KLKB1: variants seen among roughly 807,000 people sequenced by gnomAD.
KLKB1 encodes kallikrein B1, also known as plasma kallikrein.
In KLKB1, 58 loss-of-function variants were observed where a neutral mutation model predicts 73.6. The ratio of observed to expected loss-of-function variants is 0.79; its 90% CI spans 0.64 to 0.98. The LOEUF (loss-of-function observed/expected upper bound fraction) is 0.98. KLKB1 is among the 50% of genes least tolerant of loss of function. The pLI, the probability that KLKB1 is intolerant of heterozygous loss-of-function variation, is 0.00. For synonymous variants in KLKB1, 280 were observed against 258.1 expected (o/e 1.08, Z -0.81); for missense variants, 737 against 763.8 (o/e 0.96, Z 0.41).
At position 186,243,140 on chromosome 4, in the gene KLKB1, G is replaced by A. The variant is rs4253361; in HGVS notation, c.598+4775G>A. Among the ~76,000 whole-genome samples the A allele has an allele frequency of 3.1e-3, 475 of 152,254 alleles. 3 individuals are homozygous for A. The highest frequency in any genetic ancestry group is 0.011 in the African/African-American group (440 of 41,556). Reference sequence around the variant, plus strand: ...CAGTCCTGGGCGGGGGCAAATCCCCGAGCTTGATGTGTAGGGAAGGGAGGG... The same window carrying A: ...CAGTCCTGGGCGGGGGCAAATCCCCAAGCTTGATGTGTAGGGAAGGGAGGG... On this transcript the variant is annotated intron_variant, in intron 6 of 14. Transcript: ENST00000264690.
rs1738890764 is a variant in KLKB1, at chr4:186,254,722, A to G, written c.1448A>G (p.Asp483Gly). ...TATAAAGTCTCAGAAGGGAATCATG[A>G]TATCGCCTTGATAAAACTCCAGGCT... ...QNYKVSEGNH[D>G]IALIKLQAPL... The change falls in exon 12 of 15, where the codon GAT (aspartate) becomes GGT (glycine). Residue 483 changes from aspartate (D) to glycine (G), a missense_variant. Physicochemically the swap from Asp to Gly is moderately conservative, Grantham distance 94 (BLOSUM62 -1). Transcript: ENST00000264690. 3 of 1,613,794 alleles carry G rather than the reference A, an allele frequency of 1.9e-6. No individual in the cohort carries two copies. The highest frequency in any genetic ancestry group is 2.7e-5 in the African/African-American group (2 of 74,922).
At position 186,239,580 on chromosome 4, in the gene KLKB1, C is replaced by T. The variant is rs370966716; in HGVS notation, c.598+1215C>T. Among the ~76,000 whole-genome samples the T allele has an allele frequency of 1.4e-3, 171 of 125,486 alleles. 1 individual carries two copies. Among genetic ancestry groups the T allele is most frequent in the African/African-American group, 5.0e-3 (159 of 31,836 alleles). 82.3% of individuals were successfully genotyped at this position (125,486 alleles called of 152,430 possible). A position where few individuals can be genotyped will look rare whatever the true frequency, so the allele number is the denominator to read the frequency against. On this transcript the variant is annotated intron_variant, in intron 6 of 14. Coordinates refer to ENST00000264690, the MANE Select transcript of KLKB1 (RefSeq NM_000892.5). ...ACTGTTAGAGTTATAGGTACAGTGA[C>T]ATAGGACAGTGATACTGTTATAGTT...
intron 6 of KLKB1, among the ~76,000 whole-genome samples, chr4:186,247,345 G>A (rs1156816667): frequency 6.6e-6 from 1 of 150,502 alleles, no homozygotes; most frequent in African/African-American, 2.4e-5. Flanking sequence ...GGGTGGGGAC[G>A]TTTTATAGGA....
At chr4:186,229,323 C>T (rs1420317612) in intron 2 of KLKB1, among the ~76,000 whole-genome samples, 1 of 152,116 alleles carries the variant, frequency 6.6e-6, no homozygotes, top group African/African-American at 2.4e-5. Context: ...CAGAAACAGT[C>T]ATCGTTAAAC....
chr4:186,216,010 C>T lies in KLKB1; in HGVS notation c.201+6738C>T, dbSNP rs367994232. Among the ~76,000 whole-genome samples the T allele has an allele frequency of 1.5e-4, 23 of 152,250 alleles. 1 individual carries two copies. In the East Asian group the frequency reaches 1.5e-3, roughly 10 times the overall value. On this transcript the variant is annotated intron_variant, in intron 2 of 14. Coordinates refer to the KLKB1 transcript ENST00000511608. Reference sequence around the variant, plus strand: ...CAGTGTCTCATATGATGCAATTGGACGGAACCTCAAGACGACATTTGCTCC... The same window carrying T: ...CAGTGTCTCATATGATGCAATTGGATGGAACCTCAAGACGACATTTGCTCC...
chr4:186,241,694 GT>G (rs1052895367), intron 6 of KLKB1, among the ~76,000 whole-genome samples: 1 of 152,068 alleles, frequency 6.6e-6, no homozygotes, highest in Non-Finnish European at 1.5e-5. Context: ...GAAAAAAAAG[GT>G]TTTTTTATTT....
At chr4:186,242,947 A>G (rs28822377) in intron 6 of KLKB1, among the ~76,000 whole-genome samples, 5 of 107,844 alleles carry the variant, frequency 4.6e-5, no homozygotes, top group South Asian at 2.4e-4. Context: ...TTGTATAGAG[A>G]TGGAAAGGCC....
At chr4:186,250,493 T>C (rs553412147) in intron 7 of KLKB1, 91 bp downstream of exon 7, 2 of 1,462,016 alleles carry the variant, frequency 1.4e-6, no homozygotes, top group African/African-American at 2.8e-5. Flanking sequence ...GTCTGAGTTC[T>C]TAAAAGTTTC....
At chr4:186,231,836 G>A (rs1737409700) in intron 2 of KLKB1, among the ~76,000 whole-genome samples, 1 of 152,176 alleles carries the variant, frequency 6.6e-6, no homozygotes, top group Admixed American at 6.5e-5. Context: ...TCAGGCAACA[G>A]GAAAAAACTA....
At chr4:186,237,645 AT>A (rs1429686333) in intron 5 of KLKB1, among the ~76,000 whole-genome samples, 3 of 151,854 alleles carry the variant, frequency 2.0e-5, no homozygotes, top group South Asian at 2.1e-4. Flanking sequence ...TTAACTTGTG[AT>A]TTTTTTCCTT....
At chr4:186,240,414 A>G (rs1319315678) in intron 6 of KLKB1, among the ~76,000 whole-genome samples, 1 of 152,146 alleles carries the variant, frequency 6.6e-6, no homozygotes, top group Non-Finnish European at 1.5e-5. Flanking sequence ...GCAAAACTGT[A>G]AGGTCATTCC....
intron 2 of KLKB1, among the ~76,000 whole-genome samples, chr4:186,216,358 G>A (rs1736902454): frequency 6.6e-6 from 1 of 152,218 alleles, no homozygotes; most frequent in African/African-American, 2.4e-5. Flanking sequence ...CAGACAGTGG[G>A]CGTCTGAAAA....
chr4:186,221,658 T>G (rs554484553), upstream of KLKB1, among the ~76,000 whole-genome samples: 12 of 152,316 alleles, frequency 7.9e-5, no homozygotes, highest in East Asian at 1.9e-3. Context: ...GAAAAGATAC[T>G]TGATATGATT....
At chr4:186,233,272 C>T (rs553959942) in intron 3 of KLKB1, among the ~76,000 whole-genome samples, 198 of 152,278 alleles carry the variant, frequency 1.3e-3, no homozygotes, top group Admixed American at 2.1e-3. Context: ...ACAGTTTCAT[C>T]TTAATGATTT....
rs1738313806 is a variant in KLKB1 at position 186,245,826 on chromosome 4, T to TTTTTTTTTTTTTTTTTTTTG, written c.599-4407_599-4406insTTTTTTTTTGTTTTTTTTTT. Among the ~76,000 whole-genome samples, 2 of 133,722 alleles carry TTTTTTTTTTTTTTTTTTTTG rather than the reference T, an allele frequency of 1.5e-5. 1 individual carries two copies. The highest frequency in any genetic ancestry group is 3.4e-5 in the Non-Finnish European group (2 of 59,100). The allele number at this position is 133,722 out of a possible 152,430, so 87.7% of individuals were successfully genotyped here. ...AGTTTTTTTTTGTTTGTTTTTTGGT[T>TTTTTTTTTTTTTTTTTTTTG]TTTTTTTTTTAATGTCAGGAGCTGA... On this transcript the variant is annotated intron_variant, in intron 6 of 14. Transcript: ENST00000264690.
intron 2 of KLKB1, chr4:186,229,006 TAA>T (rs1328305593): frequency 1.3e-5 from 2 of 152,200 alleles, no homozygotes; most frequent in African/African-American, 4.8e-5. Flanking sequence ...TTTACATTCA[TAA>T]AGAGACCTTT....
chr4:186,255,886 A>G (rs1423917788), intron 12 of KLKB1, 106 bp from the exon 13 acceptor site: 2 of 779,860 alleles, frequency 2.6e-6, no homozygotes, highest in Non-Finnish European at 2.2e-6. Flanking sequence ...ATTATTCTTG[A>G]TGCTACTCTA....
chr4:186,250,435 C>A, intron 7 of KLKB1, 33 bp downstream of exon 7: 1 of 1,608,686 alleles, frequency 6.2e-7, no homozygotes, highest in Non-Finnish European at 8.5e-7. Context: ...ATCACAAAGG[C>A]GAGTATGCAT....
Position 186,258,390 on chromosome 4 carries a change from G to C in KLKB1, c.*178G>C. 1 of 671,622 alleles carries C rather than the reference G, an allele frequency of 1.5e-6. No individual in the cohort carries two copies. Among genetic ancestry groups the C allele is most frequent in the Admixed American group, 2.2e-5 (1 of 46,310 alleles). The allele number at this position is 671,622 out of a possible 1,614,324, so 41.6% of individuals were successfully genotyped here. A position where few individuals can be genotyped will look rare whatever the true frequency, so the allele number is the denominator to read the frequency against. On this transcript the variant is annotated 3_prime_UTR_variant, in exon 15 of 15. Coordinates refer to ENST00000264690, the MANE Select transcript of KLKB1 (RefSeq NM_000892.5). Reference sequence around the variant, plus strand: ...TCTGGCTGAAGCCCGCTTTCAGCACGCCGTAACCAGGGGCTGACAATGCGA... The same window carrying C: ...TCTGGCTGAAGCCCGCTTTCAGCACCCCGTAACCAGGGGCTGACAATGCGA...
Sources: allele counts gnomAD v4.1 joint callset (sites outside exome capture counted in the v4.1 genomes callset), GRCh38; gene constraint gnomAD v4.1.1; transcripts MANE v1.5; gene names NCBI Gene and HGNC (gene_info 2026-07-23, HGNC 2026-07-21).